The following ARNT variants were observed in gnomAD, a reference collection of about 807,000 sequenced individuals.
ARNT encodes class E basic helix-loop-helix protein 2.
A neutral mutation model predicts 105.0 loss-of-function variants in ARNT; 30 were observed. The observed-to-expected ratio is 0.29, with a 90% CI of 0.21 to 0.39. ARNT has a LOEUF of 0.39. Ranked by LOEUF, ARNT falls within the 10% of genes least tolerant of loss-of-function variation. ARNT has a pLI of 1.00. For synonymous variants in ARNT, 304 were observed against 344.0 expected, an observed-to-expected ratio of 0.88 and a Z score of 1.29; for missense variants, 748 against 978.7, an observed-to-expected ratio of 0.76 and a Z score of 3.15.
intron 19 of ARNT, among the ~76,000 whole-genome samples, chr1:150,815,979 T>C (rs1655787302): frequency 1.3e-5 from 2 of 152,018 alleles, no homozygotes; most frequent in South Asian, 4.1e-4. Flanking sequence ...AGAGGAAACA[T>C]CTTAGAATTT....
At chr1:150,862,363 A>G (rs1250535191) in intron 1 of ARNT, among the ~76,000 whole-genome samples, 1 of 152,114 alleles carries the variant, frequency 6.6e-6, no homozygotes, top group African/African-American at 2.4e-5. Flanking sequence ...AGCCTCATCC[A>G]CTGCATCAAT....
chr1:150,858,539 G>T, intron 1 of ARNT, 79 bp from the exon 2 acceptor site: 1 of 1,151,338 alleles, frequency 8.7e-7, no homozygotes, highest in South Asian at 1.4e-5. Context: ...TTAGCTAAAA[G>T]AAAGGTTCAA....
At position 150,810,998 on chromosome 1, in the gene ARNT, T is replaced by C. The variant is rs764821600; in HGVS notation, c.*1023A>G. The C allele has an allele frequency of 2.4e-4, 55 of 230,692 alleles. No homozygotes were observed. The highest frequency in any genetic ancestry group is 3.3e-4 in the Non-Finnish European group (38 of 116,160). The allele number at this position is 230,692 out of a possible 1,614,324, so 14.3% of individuals were successfully genotyped here. On this transcript the variant is annotated 3_prime_UTR_variant, in exon 22 of 22. Coordinates refer to ENST00000358595, the MANE Select transcript of ARNT (RefSeq NM_001668.4). ...TCACTGGGACGGCTAATCCAAGAAG[T>C]TGAGTTTCCATGCAGAAATAACCTC...
At chr1:150,851,495 C>CAA (rs920088380) in intron 3 of ARNT, among the ~76,000 whole-genome samples, 1 of 152,100 alleles carries the variant, frequency 6.6e-6, no homozygotes, top group Non-Finnish European at 1.5e-5. Flanking sequence ...ATAGGAGACT[C>CAA]TATTTTGTTC....
intron 3 of ARNT, among the ~76,000 whole-genome samples, chr1:150,847,246 C>A (rs1367630682): frequency 2.0e-5 from 3 of 152,090 alleles, no homozygotes; most frequent in Non-Finnish European, 2.9e-5. Context: ...CTCTGGCCAA[C>A]ATGGTGAAAC....
rs1654502941 is a variant in ARNT at position 150,810,317 on chromosome 1, A to T, written c.*1704T>A. 8.6e-6 allele frequency: 2 copies of T among 231,564 alleles called. No individual in the cohort carries two copies. Among genetic ancestry groups the T allele is most frequent in the African/African-American group, 2.2e-5 (1 of 45,222 alleles). The allele number at this position is 231,564 out of a possible 1,614,324, so 14.3% of individuals were successfully genotyped here. On this transcript the variant is annotated 3_prime_UTR_variant, in exon 22 of 22. Coordinates refer to ENST00000358595, the MANE Select transcript of ARNT (RefSeq NM_001668.4). ...CCCTATAATAACTGTACAATATTATAGTCCTGATCACATTTAAAAAGTCGA... is the reference window on the plus strand; with the variant it reads ...CCCTATAATAACTGTACAATATTATTGTCCTGATCACATTTAAAAAGTCGA...
intron 1 of ARNT, among the ~76,000 whole-genome samples, chr1:150,874,035 A>G (rs993292748): frequency 6.6e-6 from 1 of 151,274 alleles, no homozygotes; most frequent in Non-Finnish European, 1.5e-5. Flanking sequence ...AAAAAAAAAA[A>G]AAAAAAAATT....
chr1:150,842,448 G>A lies in ARNT; in HGVS notation c.248C>T (p.Ser83Phe), dbSNP rs749523683. ...CCTGGCAAGTCTCTCTTTATCCGCA[G>A]AGCTCTGCTCATCATCCGACCTAAA... ...RFARSDDEQS[S>F]ADKERLAREN... Residue 83 changes from serine to phenylalanine, a missense_variant, in exon 5 of 22, where the codon TCT becomes TTT. Coordinates refer to ENST00000358595, the MANE Select transcript of ARNT (RefSeq NM_001668.4). The A allele has an allele frequency of 1.9e-6, 3 of 1,609,314 alleles. No individual in the cohort carries two copies. The highest frequency in any genetic ancestry group is 2.5e-6 in the Non-Finnish European group (3 of 1,177,468).
At chr1:150,853,707 G>A (rs1049392219) in intron 2 of ARNT, among the ~76,000 whole-genome samples, 1 of 152,160 alleles carries the variant, frequency 6.6e-6, no homozygotes, top group Non-Finnish European at 1.5e-5. Context: ...TAAAACAAGT[G>A]AGAATAGGAA....
intron 3 of ARNT, among the ~76,000 whole-genome samples, chr1:150,848,266 G>GC (rs968164618): frequency 6.6e-6 from 1 of 152,176 alleles, no homozygotes; most frequent in African/African-American, 2.4e-5. Context: ...GACCAGCCTG[G>GC]CCAACATGGC....
At chr1:150,859,953 G>A (rs911444567) in intron 1 of ARNT, among the ~76,000 whole-genome samples, 1 of 151,474 alleles carries the variant, frequency 6.6e-6, no homozygotes, top group African/African-American at 2.4e-5. Context: ...GCTGCAGTGA[G>A]TCGTGATTGC....
In ARNT at chr1:150,863,815, C is replaced by CA. The variant is rs777644900; in HGVS notation, c.26-5356dup. On this transcript the variant is annotated intron_variant, in intron 1 of 21. Transcript: ENST00000358595. Reference sequence around the variant, plus strand: ...GGGCAACAAGAGCAAAACTCCGTCTCAAAAAAAAAAAGTAAAGAAGAAGAA... The same window carrying CA: ...GGGCAACAAGAGCAAAACTCCGTCTCAAAAAAAAAAAAGTAAAGAAGAAGAA... Among the ~76,000 whole-genome samples the CA allele has an allele frequency of 5.6e-4, 76 of 135,196 alleles. 1 individual carries two copies. Among genetic ancestry groups the CA allele is most frequent in the South Asian group, 1.4e-3 (6 of 4,368 alleles). 88.7% of individuals were successfully genotyped at this position (135,196 alleles called of 152,430 possible). A position where few individuals can be genotyped will look rare whatever the true frequency, so the allele number is the denominator to read the frequency against.
intron 2 of ARNT, chr1:150,853,340 A>G: frequency 3.4e-6 from 1 of 297,948 alleles, no homozygotes; most frequent in Non-Finnish European, 6.7e-6. Context: ...CTACCTTAAC[A>G]CTTTCCTAGA....
chr1:150,848,925 C>A (rs942894816), intron 3 of ARNT, among the ~76,000 whole-genome samples: 5 of 152,020 alleles, frequency 3.3e-5, no homozygotes, highest in African/African-American at 7.3e-5. Flanking sequence ...AGAAATGGGC[C>A]GGGTGTGGTG....
At chr1:150,836,551 A>G (rs1020046275) in intron 6 of ARNT, 58 bp from the exon 7 acceptor site, 9 of 1,524,040 alleles carry the variant, frequency 5.9e-6, no homozygotes, top group Admixed American at 1.9e-5. Context: ...AAGTATTTCT[A>G]TTCACAGGAA....
rs587685718 is a variant in ARNT at position 150,824,205 on chromosome 1, T to C, written c.1243-860A>G. On this transcript the variant is annotated intron_variant, in intron 13 of 21. Coordinates refer to ENST00000358595, the MANE Select transcript of ARNT (RefSeq NM_001668.4). Reference sequence around the variant, plus strand: ...TTGCATTTTTTGCCATTTAAAAAAATGGCAAAAAATCACAATTTCTTTTGC... The same window carrying C: ...TTGCATTTTTTGCCATTTAAAAAAACGGCAAAAAATCACAATTTCTTTTGC... Among the ~76,000 whole-genome samples the C allele has an allele frequency of 1.7e-4, 26 of 151,446 alleles. No individual in the cohort carries two copies. The South Asian group carries it at 5.4e-3, about 32-fold the overall frequency.
At chr1:150,876,313 C>G (rs1463614605) in intron 1 of ARNT, among the ~76,000 whole-genome samples, 2 of 152,134 alleles carry the variant, frequency 1.3e-5, no homozygotes, top group Non-Finnish European at 2.9e-5. Flanking sequence ...GGACAGGGAG[C>G]CCCCCTCAAC....
chr1:150,846,273 G>C lies in ARNT; in HGVS notation c.217C>G (p.Arg73Gly). ...CTACTACAATATTACCTGGCAAACCGCTCCTTATCGTTAGACATCTGATCA... is the reference window on the plus strand; with the variant it reads ...CTACTACAATATTACCTGGCAAACCCCTCCTTATCGTTAGACATCTGATCA... ...DDDQMSNDKE[R>G]FARSDDEQSS... is the part of the protein sequence containing the mutation. The change falls in exon 4 of 22, where the codon CGG (arginine) becomes GGG (glycine). Residue 73 changes from arginine (R) to glycine (G), a missense_variant. By Grantham distance (125) the Arg-to-Gly change is moderately radical (BLOSUM62 -2). Transcript: ENST00000358595. 6.2e-7 allele frequency: 1 copy of C among 1,613,158 alleles called. No homozygotes were observed. The highest frequency in any genetic ancestry group is 8.5e-7 in the Non-Finnish European group (1 of 1,179,354).
intron 2 of ARNT, among the ~76,000 whole-genome samples, chr1:150,854,814 G>A (rs986064760): frequency 3.7e-5 from 5 of 135,426 alleles, no homozygotes; most frequent in African/African-American, 8.4e-5. Flanking sequence ...CCAAAATTGC[G>A]CCACTGCACT....
Sources: gnomAD v4.1 joint callset for allele counts (sites outside exome capture counted in the v4.1 genomes callset) on GRCh38, gnomAD v4.1.1 for gene constraint, MANE v1.5 for transcripts, NCBI Gene and HGNC (gene_info 2026-07-23, HGNC 2026-07-21) for gene names.